FLT1: variants seen among roughly 807,000 people sequenced by gnomAD.
The protein encoded by FLT1 is fms related receptor tyrosine kinase 1.
Under a neutral mutation model 156.3 loss-of-function variants are expected in FLT1, and 49 were observed. The observed-to-expected ratio is 0.31, with a 90% CI of 0.25 to 0.40. FLT1 has a LOEUF of 0.40. Ranked by LOEUF, FLT1 falls within the 10% of genes least tolerant of loss-of-function variation. The probability of loss-of-function intolerance (pLI) is 1.00; values close to 1 mark genes in which losing one functional copy is unlikely to be tolerated. For missense variants in FLT1, 1,322 were observed against 1,637.2 expected (o/e 0.81, Z 3.32); for synonymous variants, 594 against 583.8 (o/e 1.02, Z -0.25).
chr13:28,399,855 C>A (rs569246280), intron 11 of FLT1, among the ~76,000 whole-genome samples: 1 of 152,176 alleles, frequency 6.6e-6, no homozygotes, highest in Non-Finnish European at 1.5e-5. Flanking sequence ...TTTGTTTCTG[C>A]GAACCTTTAT....
chr13:28,324,155 A>G (rs1055420265), intron 20 of FLT1, among the ~76,000 whole-genome samples: 9 of 152,178 alleles, frequency 5.9e-5, no homozygotes, highest in African/African-American at 2.2e-4. Context: ...TTTGTAATTC[A>G]TCTAGTAACT....
At chr13:28,456,604 T>C (rs1042645965) in intron 3 of FLT1, among the ~76,000 whole-genome samples, 2 of 152,062 alleles carry the variant, frequency 1.3e-5, no homozygotes, top group Non-Finnish European at 2.9e-5. Context: ...GAGACCAGCC[T>C]GGCCAACATG....
chr13:28,316,783 C>T (rs1475620557), intron 25 of FLT1, among the ~76,000 whole-genome samples: 2 of 151,828 alleles, frequency 1.3e-5, no homozygotes, highest in African/African-American at 2.4e-5. Flanking sequence ...CCACCAGGCC[C>T]GGCTAACTTT....
Position 28,367,789 on chromosome 13 carries a change from C to CT in FLT1, c.2117-10105dup, listed in dbSNP as rs142097252. On this transcript the variant is annotated intron_variant, in intron 14 of 29. Transcript: ENST00000282397. Reference sequence around the variant, plus strand: ...AACTTCTGTTTTGTTGCTCAGTTGACTATATGTATTGTTGACTTAGAGAAC... The same window carrying CT: ...AACTTCTGTTTTGTTGCTCAGTTGACTTATATGTATTGTTGACTTAGAGAAC... Among the ~76,000 whole-genome samples, 477 of 152,294 alleles carry CT rather than the reference C, an allele frequency of 3.1e-3. 2 individuals are homozygous for CT. The highest frequency in any genetic ancestry group is 5.6e-3 in the Non-Finnish European group (380 of 68,024).
chr13:28,397,198 G>A, intron 11 of FLT1, 130 bp from the exon 12 acceptor site: 1 of 675,724 alleles, frequency 1.5e-6, no homozygotes, highest in South Asian at 1.7e-5. Context: ...ATAGGTGGTG[G>A]TTACCAGAAG....
At chr13:28,420,936 G>A (rs374348195) in intron 10 of FLT1, among the ~76,000 whole-genome samples, 2 of 152,172 alleles carry the variant, frequency 1.3e-5, no homozygotes, top group South Asian at 4.2e-4. Context: ...CCTCTCGGAA[G>A]CCCTTCTCAG....
Position 28,301,606 on chromosome 13 carries a change from C to T in FLT1, c.*1561G>A, listed in dbSNP as rs1266178691. On this transcript the variant is annotated 3_prime_UTR_variant, in exon 30 of 30. Coordinates refer to ENST00000282397, the MANE Select transcript of FLT1 (RefSeq NM_002019.4). Reference sequence around the variant, plus strand: ...CTTCTCCCCAAGAAGCAGCAATCCACTGTTGCCTCTCCAGCTTCTGACTGG... The same window carrying T: ...CTTCTCCCCAAGAAGCAGCAATCCATTGTTGCCTCTCCAGCTTCTGACTGG... The T allele has an allele frequency of 4.3e-6, 1 of 233,274 alleles. No homozygotes were observed. The highest frequency in any genetic ancestry group is 8.5e-6 in the Non-Finnish European group (1 of 117,900). The allele number at this position is 233,274 out of a possible 1,614,324, so 14.5% of individuals were successfully genotyped here.
At chr13:28,335,733 A>T (rs7982957) in intron 17 of FLT1, among the ~76,000 whole-genome samples, 107,447 of 152,160 alleles carry the variant, frequency 0.71, 40,459 homozygotes, top group East Asian at 0.96. Context: ...ATGCTCCCGT[A>T]GTGATTACTA....
At chr13:28,485,154 A>G (rs1281508386) in intron 1 of FLT1, among the ~76,000 whole-genome samples, 7 of 152,182 alleles carry the variant, frequency 4.6e-5, no homozygotes, top group Non-Finnish European at 8.8e-5. Flanking sequence ...TATGTAAATC[A>G]ATTACATATA....
chr13:28,493,564 C>T (rs1438092859), intron 1 of FLT1, among the ~76,000 whole-genome samples: 1 of 152,194 alleles, frequency 6.6e-6, no homozygotes, highest in Non-Finnish European at 1.5e-5. Flanking sequence ...ATTGACTTTT[C>T]TTCCCGGGAA....
At chr13:28,375,253 T>A (rs1383601444) in intron 14 of FLT1, among the ~76,000 whole-genome samples, 1 of 152,278 alleles carries the variant, frequency 6.6e-6, no homozygotes, top group African/African-American at 2.4e-5. Flanking sequence ...AATGGAACTT[T>A]ACTCATGGAT....
At chr13:28,305,208 A>G (rs997154522) in intron 29 of FLT1, among the ~76,000 whole-genome samples, 4 of 152,148 alleles carry the variant, frequency 2.6e-5, no homozygotes, top group Admixed American at 6.5e-5. Flanking sequence ...AGCTATCCTC[A>G]TGGGCGTAAA....
At chr13:28,336,015 A>G (rs954303141) in intron 17 of FLT1, among the ~76,000 whole-genome samples, 5 of 152,188 alleles carry the variant, frequency 3.3e-5, no homozygotes, top group African/African-American at 1.2e-4. Flanking sequence ...TTTCTTCCAC[A>G]ATGCCTTCCA....
chr13:28,483,531 C>T (rs899483907), intron 1 of FLT1, among the ~76,000 whole-genome samples: 1 of 152,200 alleles, frequency 6.6e-6, no homozygotes, highest in African/African-American at 2.4e-5. Flanking sequence ...GGATTTTTCT[C>T]AGCTTCTGGT....
intron 20 of FLT1, among the ~76,000 whole-genome samples, 157 bp from the exon 21 acceptor site, chr13:28,323,103 C>G (rs553463552): frequency 1.3e-5 from 2 of 152,016 alleles, no homozygotes; most frequent in Non-Finnish European, 2.9e-5. Context: ...TGTCCAGGAG[C>G]CTGACTACCT....
intron 14 of FLT1, among the ~76,000 whole-genome samples, chr13:28,379,068 C>T (rs766034268): frequency 2.0e-5 from 3 of 152,072 alleles, no homozygotes; most frequent in African/African-American, 4.8e-5. Context: ...TGGGGCTGGG[C>T]GTGTTGGCTC....
At chr13:28,464,970 CA>C (rs1207626001) in intron 3 of FLT1, among the ~76,000 whole-genome samples, 1 of 152,208 alleles carries the variant, frequency 6.6e-6, no homozygotes, top group Non-Finnish European at 1.5e-5. Flanking sequence ...CCTATAGAGA[CA>C]GGGGCAGTCT....
At chr13:28,421,730 ACAT>A (rs1877013785) in intron 10 of FLT1, among the ~76,000 whole-genome samples, 1 of 152,270 alleles carries the variant, frequency 6.6e-6, no homozygotes, top group Admixed American at 6.5e-5. Flanking sequence ...CAGAAGGGAA[ACAT>A]CAGTGTGCAA....
intron 13 of FLT1, chr13:28,388,203 T>A: frequency 1.9e-6 from 2 of 1,057,496 alleles, no homozygotes; most frequent in Non-Finnish European, 2.3e-6. Context: ...AACTTCCAGG[T>A]TACTAATTGT....
Sources: allele counts gnomAD v4.1 joint callset (sites outside exome capture counted in the v4.1 genomes callset), GRCh38; gene constraint gnomAD v4.1.1; transcripts MANE v1.5; gene names NCBI Gene and HGNC (gene_info 2026-07-23, HGNC 2026-07-21).